Variants in COL4A6 observed in about 807,000 individuals in gnomAD.
COL4A6 encodes collagen type IV alpha 6 chain, also known as collagen alpha-6(IV) chain.
A neutral mutation model predicts 126.7 loss-of-function variants in COL4A6; 59 were observed. That is an observed-to-expected ratio of 0.47 (90% CI 0.38 to 0.58). The LOEUF (loss-of-function observed/expected upper bound fraction) is 0.58. Among genes scored for constraint, COL4A6 ranks in the 20% least tolerant of loss-of-function variants. The pLI is 0.00. For missense variants in COL4A6, 1,285 were observed against 1,337.3 expected (o/e 0.96, Z 0.61); for synonymous variants, 547 against 496.6 (o/e 1.10, Z -1.35).
At chrX:108,242,343 G>A (rs1014416215) in intron 3 of COL4A6, among the ~76,000 whole-genome samples, 1 of 111,437 alleles carries the variant, frequency 9.0e-6, no homozygotes, top group Non-Finnish European at 1.9e-5. Context: ...TCCATTGCCA[G>A]ATCTTTTTCA....
chrX:108,304,231 T>C (rs1484726492), intron 3 of COL4A6, among the ~76,000 whole-genome samples: 1 of 112,138 alleles, frequency 8.9e-6, no homozygotes, highest in Non-Finnish European at 1.9e-5. Context: ...CACTAGTACA[T>C]ATAATATATT....
chrX:108,361,685 G>A (rs924236810), intron 2 of COL4A6, among the ~76,000 whole-genome samples: 3 of 111,668 alleles, frequency 2.7e-5, no homozygotes, highest in Non-Finnish European at 5.6e-5. Flanking sequence ...TCACAAGAGA[G>A]AGCCTGGGAG....
At chrX:108,163,842 G>T (rs1193054370) in intron 40 of COL4A6, among the ~76,000 whole-genome samples, 1 of 112,227 alleles carries the variant, frequency 8.9e-6, no homozygotes, top group African/African-American at 3.2e-5. Flanking sequence ...GAGTAGAGGG[G>T]CAAGTGCACT....
rs1278565372 is a variant in COL4A6 at position 108,383,618 on chromosome X, A to G, written c.63+54324T>C. 5 of 541,986 alleles carry G rather than the reference A, an allele frequency of 9.2e-6. No homozygotes were observed. The Admixed American group carries it at 1.6e-4, about 17-fold the overall frequency. 44.7% of individuals were successfully genotyped at this position (541,986 alleles called of 1,213,427 possible). A position where few individuals can be genotyped will look rare whatever the true frequency, so the allele number is the denominator to read the frequency against. On this transcript the variant is annotated intron_variant, in intron 2 of 44. Coordinates refer to ENST00000334504, the MANE Select transcript of COL4A6 (RefSeq NM_033641.4). ...CCTTGTCCAGCTGAAGGATGCCCCA[A>G]AATGGGGCACTATGCTGACCAATTT...
chrX:108,221,304 G>C lies in COL4A6; in HGVS notation c.215C>G (p.Ser72Trp). The C allele has an allele frequency of 1.7e-6, 2 of 1,211,356 alleles. No individual in the cohort carries two copies. The highest frequency in any genetic ancestry group is 2.2e-6 in the Non-Finnish European group (2 of 895,047). The change falls in exon 4 of 45, where the codon TCG becomes TGG. Residue 72 changes from serine (S) to tryptophan (W), a missense_variant. By Grantham distance (177) the Ser-to-Trp change is radical (BLOSUM62 -3). Transcript: ENST00000334504. ...PQGFTGSTGL[S>W]GLKGERGFPG... is the part of the protein sequence containing the mutation. ...GAAACCCCTTTCTCCTTTCAATCCC[G>C]ATAAACCAGTAGAGCCAGTGAATCC...
At chrX:108,382,381 C>A (rs978969557) in intron 2 of COL4A6, among the ~76,000 whole-genome samples, 9 of 111,527 alleles carry the variant, frequency 8.1e-5, no homozygotes, top group African/African-American at 2.9e-4. Context: ...CAGTGCCTGG[C>A]ACATAATAAG....
intron 2 of COL4A6, among the ~76,000 whole-genome samples, chrX:108,347,688 A>G (rs1237408159): frequency 9.0e-6 from 1 of 111,015 alleles, no homozygotes; most frequent in Non-Finnish European, 1.9e-5. Flanking sequence ...GTCATCTAGC[A>G]TTGTTATTAT....
chrX:108,332,096 T>C (rs915760021), intron 2 of COL4A6, among the ~76,000 whole-genome samples: 2 of 111,578 alleles, frequency 1.8e-5, no homozygotes, highest in Non-Finnish European at 3.8e-5. Flanking sequence ...TGAGTGAGAA[T>C]ATGTGGTTTT....
intron 3 of COL4A6, among the ~76,000 whole-genome samples, chrX:108,247,402 T>A (rs1444622310): frequency 5.4e-5 from 6 of 111,036 alleles, no homozygotes; most frequent in Non-Finnish European, 3.8e-5. Context: ...ATAAACTTTC[T>A]ACTCTCACCA....
intron 2 of COL4A6, among the ~76,000 whole-genome samples, chrX:108,327,676 A>C (rs891401388): frequency 9.1e-6 from 1 of 110,091 alleles, no homozygotes; most frequent in Non-Finnish European, 1.9e-5. Context: ...AGGTATTACA[A>C]AGGAATATGA....
At chrX:108,238,301 G>T (rs1355422751) in intron 3 of COL4A6, among the ~76,000 whole-genome samples, 1 of 108,909 alleles carries the variant, frequency 9.2e-6, no homozygotes, top group Non-Finnish European at 1.9e-5. Flanking sequence ...AGATGGGGGG[G>T]TTTCACCATC....
Position 108,156,978 on chromosome X carries a change from G to A in COL4A6, c.*22C>T, listed in dbSNP as rs1397021071. The A allele has an allele frequency of 1.7e-6, 2 of 1,197,289 alleles. No individual in the cohort carries two copies. The highest frequency in any genetic ancestry group is 3.5e-5 in the African/African-American group (2 of 56,864). The stretch of plus-strand genomic sequence containing the variant: ...GTTGTGAGGGGCAGGGGAGGGCAAG[G>A]GGCAGAGTGGCAGGTGCCACCCTAC... On this transcript the variant is annotated 3_prime_UTR_variant, in exon 45 of 45. Coordinates refer to ENST00000334504, the MANE Select transcript of COL4A6 (RefSeq NM_033641.4).
chrX:108,390,939 CTGTT>C (rs2040822712), intron 2 of COL4A6, among the ~76,000 whole-genome samples: 1 of 111,163 alleles, frequency 9.0e-6, no homozygotes, highest in African/African-American at 3.3e-5. Context: ...CTATTCCTTT[CTGTT>C]TGTTAGTTTT....
At chrX:108,198,355 C>G (rs747440834) in intron 13 of COL4A6, among the ~76,000 whole-genome samples, 1 of 111,157 alleles carries the variant, frequency 9.0e-6, no homozygotes, top group South Asian at 3.9e-4. Flanking sequence ...GGGCCTTGTA[C>G]TCCTTCTCCA....
rs1247589273 is a variant in COL4A6, at chrX:108,319,954, G to A, written c.64-9126C>T. ...ACAAGAGAGGATGGTATCTAATACA[G>A]AAGTTGATGGAATGCCCTTAGGTAA... On this transcript the variant is annotated intron_variant, in intron 2 of 44. Coordinates refer to ENST00000334504, the MANE Select transcript of COL4A6 (RefSeq NM_033641.4). Among the ~76,000 whole-genome samples, 7 of 112,096 alleles carry A rather than the reference G, an allele frequency of 6.2e-5. No homozygotes were observed. The Admixed American group carries it at 6.6e-4, about 11-fold the overall frequency.
intron 3 of COL4A6, among the ~76,000 whole-genome samples, chrX:108,273,708 T>G (rs1278096505): frequency 8.9e-6 from 1 of 111,922 alleles, no homozygotes; most frequent in Admixed American, 9.4e-5. Context: ...GGTATCTGTA[T>G]TTTAAAAGTG....
At chrX:108,297,249 C>T (rs1166714726) in intron 3 of COL4A6, among the ~76,000 whole-genome samples, 1 of 111,829 alleles carries the variant, frequency 8.9e-6, no homozygotes, top group Non-Finnish European at 1.9e-5. Flanking sequence ...ATGTTAATTG[C>T]TTTAAAGGTA....
chrX:108,364,116 C>G (rs1383853485), intron 2 of COL4A6, among the ~76,000 whole-genome samples: 1 of 110,985 alleles, frequency 9.0e-6, no homozygotes, highest in Non-Finnish European at 1.9e-5. Flanking sequence ...AAGTGATCTG[C>G]TCATCCAGGG....
intron 2 of COL4A6, among the ~76,000 whole-genome samples, chrX:108,385,666 T>C (rs1446358868): frequency 8.9e-6 from 1 of 112,124 alleles, no homozygotes; most frequent in Non-Finnish European, 1.9e-5. Flanking sequence ...TGAAATAGAA[T>C]TGAGACTTAA....
Sources: allele counts gnomAD v4.1 joint callset (sites outside exome capture counted in the v4.1 genomes callset), GRCh38; gene constraint gnomAD v4.1.1; transcripts MANE v1.5; gene names NCBI Gene and HGNC (gene_info 2026-07-23, HGNC 2026-07-21).